TMEM207: variants seen among roughly 807,000 people sequenced by gnomAD.
TMEM207 encodes the protein transmembrane protein 207.
TMEM207 carries 15 observed loss-of-function variants against 17.4 expected under a neutral mutation model. The ratio of observed to expected loss-of-function variants is 0.86; its 90% confidence interval spans 0.58 to 1.33. The LOEUF (loss-of-function observed/expected upper bound fraction) is 1.33. Ranked by LOEUF, TMEM207 falls within the 40% of genes most tolerant of loss-of-function variation. The pLI is 0.00. For synonymous variants in TMEM207, 70 were observed against 65.6 expected (o/e 1.07, Z -0.33); for missense variants, 205 against 173.8 (o/e 1.18, Z -1.01).
intron 4 of TMEM207, among the ~76,000 whole-genome samples, chr3:190,439,042 T>A (rs1045317684): frequency 4.0e-5 from 6 of 151,874 alleles, no homozygotes; most frequent in Non-Finnish European, 7.4e-5. Flanking sequence ...CCGGGCGTGG[T>A]GGCGGGCGCC....
At chr3:190,438,256 T>TA (rs112261159) in intron 4 of TMEM207, among the ~76,000 whole-genome samples, 4 of 150,670 alleles carry the variant, frequency 2.7e-5, no homozygotes, top group Admixed American at 1.3e-4. Context: ...TAATAATAAT[T>TA]AAAAAAAAGC....
chr3:190,438,852 G>C (rs546693717), intron 4 of TMEM207, among the ~76,000 whole-genome samples: 3 of 152,248 alleles, frequency 2.0e-5, no homozygotes, highest in East Asian at 3.9e-4. Context: ...TTGATTTTAG[G>C]AGGAAGAACT....
At position 190,440,389 on chromosome 3, in the gene TMEM207, C is replaced by G; in HGVS notation, c.159G>C (p.Trp53Cys). 3.1e-6 allele frequency: 5 copies of G among 1,608,350 alleles called. No individual in the cohort carries two copies. The highest frequency in any genetic ancestry group is 4.2e-6 in the Non-Finnish European group (5 of 1,178,238). The stretch of plus-strand genomic sequence containing the variant: ...CCACCAAAACCAGCAGCAGGAGGAT[C>G]CTGACTCCAAAAGTAACCGAGAAAA... ...NDQHPNGWYI[W>C]ILLLLVLVAA... Residue 53 changes from tryptophan to cysteine, a missense_variant and splice_region_variant, in exon 4 of 5, where the codon TGG becomes TGC. Trp to Cys is a radical substitution (Grantham distance 215). Transcript: ENST00000354905.
chr3:190,444,782 A>G (rs568131350), intron 2 of TMEM207, among the ~76,000 whole-genome samples: 4 of 152,342 alleles, frequency 2.6e-5, no homozygotes, highest in Non-Finnish European at 5.9e-5. Flanking sequence ...AGGCCTCATA[A>G]AGAGAACACT....
intron 4 of TMEM207, among the ~76,000 whole-genome samples, chr3:190,439,217 T>C (rs1243410544): frequency 1.4e-5 from 2 of 145,794 alleles, no homozygotes; most frequent in Non-Finnish European, 3.0e-5. Flanking sequence ...TTTCCCAAAC[T>C]GATAATGCAT....
chr3:190,441,437 C>G lies in TMEM207; in HGVS notation c.158+1G>C. The G allele has an allele frequency of 6.2e-7, 1 of 1,608,370 alleles. No individual in the cohort carries two copies. The highest frequency in any genetic ancestry group is 8.5e-7 in the Non-Finnish European group (1 of 1,175,522). On this transcript the variant is annotated splice_donor_variant, in intron 3 of 4. Transcript: ENST00000354905. LOFTEE classifies it high-confidence loss of function. ...ATAAAACAAATGGAAGATATCCTTACCAGATATACCAGCCATTAGGGTGTT... is the reference window on the plus strand; with the variant it reads ...ATAAAACAAATGGAAGATATCCTTAGCAGATATACCAGCCATTAGGGTGTT...
intron 4 of TMEM207, among the ~76,000 whole-genome samples, chr3:190,438,129 G>A (rs1243930266): frequency 6.6e-6 from 1 of 150,576 alleles, no homozygotes; most frequent in Non-Finnish European, 1.5e-5. Context: ...ATAGCATTAG[G>A]AGATATACCT....
chr3:190,442,665 A>G (rs915086171), intron 2 of TMEM207, among the ~76,000 whole-genome samples: 1 of 152,124 alleles, frequency 6.6e-6, no homozygotes, highest in Non-Finnish European at 1.5e-5. Flanking sequence ...CAAAATTCAC[A>G]GGTATGGCTG....
At position 190,440,302 on chromosome 3, in the gene TMEM207, A is replaced by C; in HGVS notation, c.246T>G (p.Ile82Met). The C allele has an allele frequency of 6.2e-7, 1 of 1,614,156 alleles. No individual in the cohort carries two copies. The highest frequency in any genetic ancestry group is 8.5e-7 in the Non-Finnish European group (1 of 1,180,016). Residue 82 changes from isoleucine (I) to methionine (M), a missense_variant, in exon 4 of 5, where the codon ATT (isoleucine) becomes ATG (methionine). By Grantham distance (10) the Ile-to-Met change is conservative. Coordinates refer to ENST00000354905, the MANE Select transcript of TMEM207 (RefSeq NM_207316.3). ...CLQCWLRRPR[I>M]DSHRRTMAVF... ...CTGCCATGGTGCGCCTGTGAGAATCAATTCGGGGTCTCCTCAGCCAGCACT... is the reference window on the plus strand; with the variant it reads ...CTGCCATGGTGCGCCTGTGAGAATCCATTCGGGGTCTCCTCAGCCAGCACT...
At chr3:190,440,491 GC>G in intron 3 of TMEM207, 102 bp from the exon 4 acceptor site, 2 of 1,059,886 alleles carry the variant, frequency 1.9e-6, no homozygotes, top group Non-Finnish European at 2.6e-6. Flanking sequence ...AGCTAGACTG[GC>G]CGCAAGCAAT....
At chr3:190,429,804 A>T in intron 4 of TMEM207, 73 bp from the exon 5 acceptor site, 1 of 1,432,630 alleles carries the variant, frequency 7.0e-7, no homozygotes, top group Non-Finnish European at 9.3e-7. Context: ...CTGCCCGATA[A>T]AATCTGGCAT....
intron 2 of TMEM207, among the ~76,000 whole-genome samples, chr3:190,443,145 C>CTTTTTTTTTTTTTTTT (rs201791052): frequency 5.7e-5 from 8 of 140,372 alleles, no homozygotes; most frequent in African/African-American, 7.8e-5. Flanking sequence ...ATTAAAAAAG[C>CTTTTTTTTTTTTTTTT]TTTTTTTTTT....
intron 4 of TMEM207, among the ~76,000 whole-genome samples, chr3:190,431,869 G>C (rs1577441890): frequency 6.6e-6 from 1 of 152,078 alleles, no homozygotes; most frequent in African/African-American, 2.4e-5. Context: ...TTTTGCTGTT[G>C]ATCTTAAACT....
At chr3:190,447,925 C>T (rs765172797) in intron 1 of TMEM207, 98 bp from the exon 2 acceptor site, 18 of 1,191,848 alleles carry the variant, frequency 1.5e-5, no homozygotes, top group Admixed American at 5.2e-5. Context: ...TATATCATTT[C>T]GTTTGCTTTT....
intron 2 of TMEM207, among the ~76,000 whole-genome samples, chr3:190,442,097 T>C (rs1719949097): frequency 6.6e-6 from 1 of 152,178 alleles, no homozygotes; most frequent in African/African-American, 2.4e-5. Context: ...TCAATCTTTC[T>C]TGAGAGAAGT....
intron 4 of TMEM207, among the ~76,000 whole-genome samples, chr3:190,436,867 C>T (rs139221851): frequency 6.6e-6 from 1 of 152,036 alleles, no homozygotes; most frequent in Non-Finnish European, 1.5e-5. Context: ...AACAGAAATG[C>T]CAAAAAGCAC....
At chr3:190,446,453 C>A (rs1212282910) in intron 2 of TMEM207, among the ~76,000 whole-genome samples, 2 of 152,130 alleles carry the variant, frequency 1.3e-5, no homozygotes, top group Admixed American at 6.5e-5. Context: ...ACATTCCCAG[C>A]CACTCTCTTT....
chr3:190,430,329 C>T (rs1176835845), intron 4 of TMEM207, among the ~76,000 whole-genome samples: 1 of 151,906 alleles, frequency 6.6e-6, no homozygotes, highest in Non-Finnish European at 1.5e-5. Context: ...AGGCCATTAA[C>T]TATTACAAAC....
intron 4 of TMEM207, among the ~76,000 whole-genome samples, chr3:190,431,574 A>C (rs1185175424): frequency 2.0e-5 from 3 of 152,092 alleles, no homozygotes; most frequent in Non-Finnish European, 1.5e-5. Flanking sequence ...TTGATCAATC[A>C]GAGTTAAAAT....
Sources: allele counts gnomAD v4.1 joint callset (sites outside exome capture counted in the v4.1 genomes callset), GRCh38; gene constraint gnomAD v4.1.1; transcripts MANE v1.5; gene names NCBI Gene and HGNC (gene_info 2026-07-23, HGNC 2026-07-21).